ANKS1B: variants seen among roughly 807,000 people sequenced by gnomAD.
ANKS1B encodes the protein ankyrin repeat and sterile alpha motif domain-containing protein 1B.
Under a neutral mutation model 148.3 loss-of-function variants are expected in ANKS1B, and 36 were observed. The observed-to-expected ratio is 0.24, with a 90% confidence interval of 0.19 to 0.32. The LOEUF is 0.32. ANKS1B is among the 10% of genes least tolerant of loss of function. ANKS1B has a pLI of 1.00. For missense variants in ANKS1B, 1,157 were observed against 1,542.6 expected (o/e 0.75, Z 4.19); for synonymous variants, 542 against 560.8 (o/e 0.97, Z 0.47).
chr12:98,853,209 G>T (rs774879887), intron 17 of ANKS1B, among the ~76,000 whole-genome samples: 10 of 152,178 alleles, frequency 6.6e-5, no homozygotes, highest in Non-Finnish European at 1.5e-5. Flanking sequence ...TATGGGGAAA[G>T]AATGAATTTT....
At chr12:99,282,168 A>G (rs2078552052) in intron 12 of ANKS1B, among the ~76,000 whole-genome samples, 1 of 152,206 alleles carries the variant, frequency 6.6e-6, no homozygotes, top group Non-Finnish European at 1.5e-5. Flanking sequence ...GCCATGTTTG[A>G]GTAGAGAACT....
intron 22 of ANKS1B, among the ~76,000 whole-genome samples, chr12:98,784,488 C>T (rs2098770304): frequency 6.6e-6 from 1 of 152,196 alleles, no homozygotes; most frequent in African/African-American, 2.4e-5. Context: ...CTGGCTCACA[C>T]AGGAGCTGCT....
At chr12:98,916,254 T>G (rs1224340127) in intron 17 of ANKS1B, among the ~76,000 whole-genome samples, 2 of 152,188 alleles carry the variant, frequency 1.3e-5, no homozygotes, top group Non-Finnish European at 2.9e-5. Context: ...TTGGCTAAGA[T>G]CAGTCACGAT....
chr12:98,882,713 T>C (rs2099711432), intron 17 of ANKS1B, among the ~76,000 whole-genome samples: 1 of 151,556 alleles, frequency 6.6e-6, no homozygotes, highest in South Asian at 2.1e-4. Context: ...TAGAGATCTC[T>C]GCCTTGTTAC....
intron 1 of ANKS1B, among the ~76,000 whole-genome samples, chr12:99,849,268 T>C (rs1373972977): frequency 1.3e-5 from 2 of 152,150 alleles, no homozygotes; most frequent in Non-Finnish European, 2.9e-5. Context: ...TGTGTGTGTG[T>C]ATACATATAT....
intron 1 of ANKS1B, among the ~76,000 whole-genome samples, chr12:99,953,042 C>G (rs1392456913): frequency 6.6e-6 from 1 of 152,042 alleles, no homozygotes; most frequent in Non-Finnish European, 1.5e-5. Context: ...ACAGGTGAAG[C>G]TCAAGATAAA....
chr12:99,665,729 G>C (rs1222654304), intron 8 of ANKS1B, among the ~76,000 whole-genome samples: 1 of 151,978 alleles, frequency 6.6e-6, no homozygotes, highest in Non-Finnish European at 1.5e-5. Flanking sequence ...CTTGTGATCC[G>C]CCCGCCTCAG....
chr12:99,302,935 C>A (rs2081868013), intron 12 of ANKS1B, among the ~76,000 whole-genome samples: 1 of 152,026 alleles, frequency 6.6e-6, no homozygotes, highest in African/African-American at 2.4e-5. Context: ...AAATCTAGTG[C>A]CATGAGAAGT....
intron 9 of ANKS1B, among the ~76,000 whole-genome samples, chr12:99,593,809 G>A (rs149254936): frequency 1.6e-3 from 237 of 152,118 alleles, no homozygotes; most frequent in Middle Eastern, 0.014. Flanking sequence ...TTATTATAAG[G>A]AAACTGCCTA....
chr12:99,108,864 G>C (rs1423851411), intron 15 of ANKS1B, among the ~76,000 whole-genome samples: 1 of 152,112 alleles, frequency 6.6e-6, no homozygotes, highest in Non-Finnish European at 1.5e-5. Context: ...GAAGTTGAGA[G>C]AGCAAAGATG....
chr12:99,265,571 G>A (rs747261087), intron 12 of ANKS1B, among the ~76,000 whole-genome samples: 1 of 152,182 alleles, frequency 6.6e-6, no homozygotes, highest in Non-Finnish European at 1.5e-5. Flanking sequence ...ACTAACAGCA[G>A]TCACAAAAGG....
At chr12:99,295,157 TCCAAAGTGATTATA>T (rs1238947167) in intron 12 of ANKS1B, among the ~76,000 whole-genome samples, 1 of 152,198 alleles carries the variant, frequency 6.6e-6, no homozygotes, top group Non-Finnish European at 1.5e-5. Flanking sequence ...CAAACCATTT[TCCAAAGTGATTATA>T]CCATTTTATA....
At chr12:98,778,273 C>T (rs1272849074) in intron 24 of ANKS1B, among the ~76,000 whole-genome samples, 7 of 152,014 alleles carry the variant, frequency 4.6e-5, no homozygotes, top group African/African-American at 1.2e-4. Context: ...GTCAGGAGTT[C>T]GAGACCAGCC....
At chr12:99,965,140 C>A (rs892807299) in intron 1 of ANKS1B, among the ~76,000 whole-genome samples, 3 of 152,098 alleles carry the variant, frequency 2.0e-5, no homozygotes, top group Non-Finnish European at 4.4e-5. Flanking sequence ...CTTCTAATGG[C>A]CCACTTTCCA....
At chr12:99,745,182 G>T (rs1160383481) in intron 8 of ANKS1B, among the ~76,000 whole-genome samples, 1 of 116,034 alleles carries the variant, frequency 8.6e-6, no homozygotes, top group Non-Finnish European at 1.8e-5. Context: ...AATAAACAAA[G>T]AGAATAAGGA....
intron 9 of ANKS1B, among the ~76,000 whole-genome samples, chr12:99,514,709 A>G (rs2096798605): frequency 6.6e-6 from 1 of 152,098 alleles, no homozygotes; most frequent in Admixed American, 6.6e-5. Flanking sequence ...CCAGATATTT[A>G]TTGCCAGAAC....
chr12:99,444,037 CAA>C (rs1412308912), intron 10 of ANKS1B, among the ~76,000 whole-genome samples: 2 of 151,876 alleles, frequency 1.3e-5, no homozygotes, highest in East Asian at 3.9e-4. Flanking sequence ...TGTTCTGAGA[CAA>C]GTGTATTATT....
chr12:99,285,234 T>C (rs1421350741), intron 12 of ANKS1B, among the ~76,000 whole-genome samples: 1 of 152,236 alleles, frequency 6.6e-6, no homozygotes, highest in South Asian at 2.1e-4. Flanking sequence ...CTTTTTTGTC[T>C]AGCTGCCTTT....
At chr12:99,971,606 CAAAAA>C (rs200612388) in intron 1 of ANKS1B, among the ~76,000 whole-genome samples, 2 of 109,200 alleles carry the variant, frequency 1.8e-5, no homozygotes, top group African/African-American at 6.3e-5. Context: ...TAATTCAGGC[CAAAAA>C]AAAAAAAAAG....
Sources: gnomAD v4.1 joint callset for allele counts (sites outside exome capture counted in the v4.1 genomes callset) on GRCh38, gnomAD v4.1.1 for gene constraint, MANE v1.5 for transcripts, NCBI Gene and HGNC (gene_info 2026-07-23, HGNC 2026-07-21) for gene names.